EHBP1: variants seen among roughly 807,000 people sequenced by gnomAD.
The protein encoded by EHBP1 is EH domain-binding protein 1.
Under a neutral mutation model 144.0 loss-of-function variants are expected in EHBP1, and 55 were observed. The ratio of observed to expected loss-of-function variants is 0.38; its 90% CI spans 0.31 to 0.48. The LOEUF (loss-of-function observed/expected upper bound fraction) is 0.48, where lower values mean the gene tolerates loss of function less well. Ranked by LOEUF, EHBP1 falls within the 20% of genes least tolerant of loss-of-function variation. The pLI, the probability that EHBP1 is intolerant of heterozygous loss-of-function variation, is 0.98. For missense variants in EHBP1, 1,200 were observed against 1,364.2 expected (o/e 0.88, Z 1.90); for synonymous variants, 469 against 472.7 (o/e 0.99, Z 0.10).
At chr2:62,793,530 T>C (rs937226918) in intron 5 of EHBP1, among the ~76,000 whole-genome samples, 5 of 152,116 alleles carry the variant, frequency 3.3e-5, no homozygotes, top group African/African-American at 9.7e-5. Flanking sequence ...AGTGCATATA[T>C]GTCAACAAGT....
At chr2:62,757,063 T>C (rs2040352344) in intron 3 of EHBP1, among the ~76,000 whole-genome samples, 1 of 152,182 alleles carries the variant, frequency 6.6e-6, no homozygotes, top group Admixed American at 6.5e-5. Context: ...CTTTAAAATA[T>C]ACGTTACTTG....
intron 3 of EHBP1, among the ~76,000 whole-genome samples, chr2:62,751,221 T>C (rs961722793): frequency 2.0e-5 from 3 of 152,240 alleles, no homozygotes; most frequent in Admixed American, 2.0e-4. Flanking sequence ...CGAAGGCCTT[T>C]TCTGCATCTA....
intron 2 of EHBP1, among the ~76,000 whole-genome samples, chr2:62,720,627 C>G (rs1473262149): frequency 4.6e-5 from 7 of 152,116 alleles, no homozygotes; most frequent in Admixed American, 1.3e-4. Context: ...GAAGAGTACT[C>G]TAATTTGCAA....
At chr2:62,733,720 C>G (rs1245149332) in intron 2 of EHBP1, among the ~76,000 whole-genome samples, 1 of 152,156 alleles carries the variant, frequency 6.6e-6, no homozygotes, top group East Asian at 1.9e-4. Context: ...GCATTTTTAT[C>G]CAGTCTGCAC....
chr2:63,039,769 G>T (rs1417290020), intron 21 of EHBP1, among the ~76,000 whole-genome samples: 6 of 152,060 alleles, frequency 3.9e-5, no homozygotes. Context: ...CATGCTATTT[G>T]TCTGAATACT....
At chr2:62,950,083 G>T (rs983584954) in intron 13 of EHBP1, among the ~76,000 whole-genome samples, 1 of 151,724 alleles carries the variant, frequency 6.6e-6, no homozygotes, top group Non-Finnish European at 1.5e-5. Context: ...TTCACATTTA[G>T]AATCCAGCTC....
chr2:62,957,832 G>A (rs1301132909), intron 14 of EHBP1, among the ~76,000 whole-genome samples: 1 of 151,694 alleles, frequency 6.6e-6, no homozygotes, highest in Non-Finnish European at 1.5e-5. Flanking sequence ...ATTTTTAGTA[G>A]AGACAGGGTT....
intron 6 of EHBP1, among the ~76,000 whole-genome samples, chr2:62,828,766 T>C (rs1331794960): frequency 6.6e-6 from 1 of 152,254 alleles, no homozygotes; most frequent in East Asian, 1.9e-4. Context: ...ATTTGCAAAC[T>C]GTCTCACTGT....
intron 10 of EHBP1, among the ~76,000 whole-genome samples, chr2:62,940,959 A>C (rs9631063): frequency 1.2e-3 from 181 of 152,282 alleles, no homozygotes; most frequent in Middle Eastern, 0.01. Context: ...TGCTAATGTC[A>C]TTTATACATT....
intron 5 of EHBP1, among the ~76,000 whole-genome samples, chr2:62,794,112 T>C (rs182488388): frequency 2.0e-5 from 3 of 152,222 alleles, no homozygotes; most frequent in African/African-American, 7.2e-5. Flanking sequence ...AAATCCAGCC[T>C]TTTCTTCTCT....
chr2:62,682,002 G>A (rs1188459775), intron 1 of EHBP1, among the ~76,000 whole-genome samples: 1 of 152,202 alleles, frequency 6.6e-6, no homozygotes, highest in Non-Finnish European at 1.5e-5. Flanking sequence ...GTAAACTTCT[G>A]GTGCTCTAAA....
intron 5 of EHBP1, among the ~76,000 whole-genome samples, chr2:62,783,794 A>G (rs1411265187): frequency 1.3e-5 from 2 of 152,186 alleles, no homozygotes; most frequent in African/African-American, 2.4e-5. Flanking sequence ...TGAACTGGGG[A>G]CATTTTCCCC....
chr2:62,678,180 G>A (rs1424049989), intron 1 of EHBP1, among the ~76,000 whole-genome samples: 1 of 152,134 alleles, frequency 6.6e-6, no homozygotes, highest in Admixed American at 6.5e-5. Flanking sequence ...ATTTTAACTG[G>A]TGTAAGATTA....
At chr2:62,854,726 A>G (rs796154627) in intron 7 of EHBP1, among the ~76,000 whole-genome samples, 10 of 152,344 alleles carry the variant, frequency 6.6e-5, no homozygotes, top group African/African-American at 2.4e-4. Flanking sequence ...AACAGATATA[A>G]TGAAAAGGTT....
chr2:62,873,029 T>C (rs558657489), intron 9 of EHBP1, among the ~76,000 whole-genome samples: 2 of 152,338 alleles, frequency 1.3e-5, no homozygotes, highest in South Asian at 4.1e-4. Flanking sequence ...TGTGTGGAGA[T>C]ATTAATTTTC....
At chr2:62,832,498 T>A (rs2046895796) in intron 7 of EHBP1, among the ~76,000 whole-genome samples, 1 of 150,868 alleles carries the variant, frequency 6.6e-6, no homozygotes, top group South Asian at 2.1e-4. Context: ...TGAGCAAGTC[T>A]ATCAGCTTAG....
chr2:62,895,298 T>G (rs2052811775), intron 10 of EHBP1, among the ~76,000 whole-genome samples: 1 of 152,034 alleles, frequency 6.6e-6, no homozygotes, highest in African/African-American at 2.4e-5. Context: ...ATCATCATCA[T>G]CATCATCATC....
chr2:62,795,761 A>G (rs1204962793), intron 5 of EHBP1, among the ~76,000 whole-genome samples: 1 of 152,116 alleles, frequency 6.6e-6, no homozygotes, highest in East Asian at 1.9e-4. Context: ...TATAGCCCAA[A>G]GTAATTGTAT....
intron 2 of EHBP1, among the ~76,000 whole-genome samples, chr2:62,735,776 A>G (rs1020986658): frequency 2.0e-5 from 3 of 152,132 alleles, no homozygotes; most frequent in Non-Finnish European, 4.4e-5. Flanking sequence ...CTTTTGAAGG[A>G]TAATTTCAAA....
Sources: allele counts gnomAD v4.1 joint callset (sites outside exome capture counted in the v4.1 genomes callset), GRCh38; gene constraint gnomAD v4.1.1; transcripts MANE v1.5; gene names NCBI Gene and HGNC (gene_info 2026-07-23, HGNC 2026-07-21).